The following SETD9 variants were observed in gnomAD, a reference collection of about 807,000 sequenced individuals.
The protein encoded by SETD9 is SET domain-containing protein 9.
A neutral mutation model predicts 36.4 loss-of-function variants in SETD9; 37 were observed. The ratio of observed to expected loss-of-function variants is 1.02; its 90% CI spans 0.78 to 1.34. SETD9 has a LOEUF of 1.34. Ranked by LOEUF, SETD9 falls within the 40% of genes most tolerant of loss-of-function variation. The pLI is 0.00. For missense variants in SETD9, 323 were observed against 353.2 expected, an observed-to-expected ratio of 0.91 and a Z score of 0.69; for synonymous variants, 128 against 132.9, an observed-to-expected ratio of 0.96 and a Z score of 0.26.
downstream of SETD9, among the ~76,000 whole-genome samples, chr5:56,927,384 T>C (rs1483025362): frequency 6.6e-6 from 1 of 152,162 alleles, no homozygotes; most frequent in Non-Finnish European, 1.5e-5. Flanking sequence ...AACTTTGCTG[T>C]AAACCTGAAA....
chr5:56,910,583 TACA>T, intron 1 of SETD9: 1 of 340,648 alleles, frequency 2.9e-6, no homozygotes, highest in Non-Finnish European at 5.7e-6. Context: ...AGGCGGGAAT[TACA>T]ACCTTTTTGT....
At chr5:56,910,711 AT>A (rs1332741611) in intron 1 of SETD9, 1 of 190,742 alleles carries the variant, frequency 5.2e-6, no homozygotes, top group Non-Finnish European at 1.1e-5. Flanking sequence ...ACGATGTTGA[AT>A]TTGTCTTTGA....
chr5:56,922,590 T>C (rs1231108646), intron 5 of SETD9: 1 of 154,408 alleles, frequency 6.5e-6, no homozygotes, highest in Non-Finnish European at 1.4e-5. Context: ...TTGTGCAGTT[T>C]AAAGAAACCT....
chr5:56,924,400 C>T (rs1026681005), intron 5 of SETD9, among the ~76,000 whole-genome samples: 3 of 152,150 alleles, frequency 2.0e-5, no homozygotes, highest in Non-Finnish European at 2.9e-5. Context: ...AGTGAGGGTT[C>T]TTAACTTTGG....
At chr5:56,909,833 G>T (rs957215949) in intron 1 of SETD9, 90 bp downstream of exon 1, 2 of 1,192,404 alleles carry the variant, frequency 1.7e-6, no homozygotes, top group African/African-American at 3.3e-5. Context: ...AGAGCCTGAG[G>T]CTGACTGCCG....
Position 56,913,062 on chromosome 5 carries a change from C to A in SETD9, c.518C>A (p.Pro173Gln). ...EPIFFQSIGN[P>Q]FIFRCLDGVL... ...ATCTTTTTCCAGTCCATTGGAAATC[C>A]GTTTATTTTTAGATGCCTGGATGGG... Residue 173 changes from proline to glutamine, a missense_variant, in exon 3 of 6, where the codon CCG (proline) becomes CAG (glutamine). Coordinates refer to ENST00000285947, the MANE Select transcript of SETD9 (RefSeq NM_153706.4). 6.2e-7 allele frequency: 1 copy of A among 1,613,702 alleles called. No individual in the cohort carries two copies. Among genetic ancestry groups the A allele is most frequent in the East Asian group, 2.2e-5 (1 of 44,838 alleles).
downstream of SETD9, chr5:56,921,016 C>T (rs1231760930): frequency 6.6e-6 from 1 of 152,506 alleles, no homozygotes; most frequent in Non-Finnish European, 1.5e-5. Flanking sequence ...GTCCATTCAA[C>T]TTGCTGATAA....
At chr5:56,914,051 C>A in intron 4 of SETD9, 62 bp downstream of exon 4, 2 of 1,246,744 alleles carry the variant, frequency 1.6e-6, no homozygotes, top group South Asian at 2.5e-5. Flanking sequence ...ACTCCTTTGT[C>A]ATATGACTGA....
chr5:56,916,832 T>C lies in SETD9; in HGVS notation c.830T>C (p.Val277Ala), dbSNP rs1749455585. ...YDKQSPLRCV[V>A]LVALRDINQG... ...GTTTTCAGCCCACTTCGATGTGTTG[T>C]TCTTGTCGCACTTAGGGACATCAAT... The change falls in exon 6 of 6, where the codon GTT (valine) becomes GCT (alanine). Residue 277 changes from valine to alanine, a missense_variant. Val to Ala is a moderately conservative substitution (Grantham distance 64). Transcript: ENST00000285947. 1.9e-6 allele frequency: 3 copies of C among 1,607,214 alleles called. No homozygotes were observed. Among genetic ancestry groups the C allele is most frequent in the Non-Finnish European group, 2.5e-6 (3 of 1,177,810 alleles).
chr5:56,924,918 G>C (rs1749887382), intron 5 of SETD9, among the ~76,000 whole-genome samples: 1 of 152,180 alleles, frequency 6.6e-6, no homozygotes, highest in Middle Eastern at 3.2e-3. Context: ...AAGAAATACA[G>C]TATACCTTTC....
downstream of SETD9, among the ~76,000 whole-genome samples, chr5:56,919,043 A>AAGAC (rs56723282): frequency 0.021 from 3,270 of 152,266 alleles, 123 homozygotes; most frequent in African/African-American, 0.075. Flanking sequence ...GTCTTCATAA[A>AAGAC]AGACAGTTAC....
chr5:56,921,385 C>A (rs1246910805), downstream of SETD9: 1 of 152,310 alleles, frequency 6.6e-6, no homozygotes, highest in African/African-American at 2.4e-5. Context: ...CCCAGGCTAC[C>A]CATTATTTAC....
intron 5 of SETD9, chr5:56,923,612 G>GT: frequency 1.2e-6 from 2 of 1,611,498 alleles, no homozygotes; most frequent in East Asian, 4.5e-5. Flanking sequence ...AATTGTTTAA[G>GT]TAAGTGGTCC....
rs538633174 is a variant in SETD9, at chr5:56,923,625, T to C, written c.813-1708T>C. 7.3e-5 allele frequency: 117 copies of C among 1,612,868 alleles called. 2 individuals carry two copies. In the South Asian group the frequency reaches 1.3e-3, roughly 17 times the overall value. On this transcript the variant is annotated intron_variant, in intron 5 of 5. Transcript: ENST00000628593. Reference sequence around the variant, plus strand: ...AAAATTGTTTAAGTAAGTGGTCCTATGACATCAAACAGAGGACACAATTTT... The same window carrying C: ...AAAATTGTTTAAGTAAGTGGTCCTACGACATCAAACAGAGGACACAATTTT...
chr5:56,925,926 G>GC (rs1450473825), downstream of SETD9, among the ~76,000 whole-genome samples: 1 of 151,946 alleles, frequency 6.6e-6, no homozygotes, highest in East Asian at 1.9e-4. Flanking sequence ...AGAAGAGAGA[G>GC]CCCAGAAATA....
intron 5 of SETD9, 116 bp from the exon 6 acceptor site, chr5:56,916,699 A>C (rs1749444743): frequency 9.9e-7 from 1 of 1,010,462 alleles, no homozygotes; most frequent in South Asian, 1.7e-5. Flanking sequence ...AAATGCATAA[A>C]CTAAAATGGA....
At chr5:56,923,588 A>G (rs1749796574) in intron 5 of SETD9, 2 of 1,611,700 alleles carry the variant, frequency 1.2e-6, no homozygotes, top group Admixed American at 1.7e-5. Context: ...GGTCAAAGCT[A>G]AAAAGGAATG....
downstream of SETD9, chr5:56,919,619 T>G (rs1217071030): frequency 1.3e-5 from 2 of 152,640 alleles, no homozygotes; most frequent in African/African-American, 4.8e-5. Context: ...TCCCAGATTT[T>G]TATTTCTGGA....
At chr5:56,922,982 T>C in intron 5 of SETD9, 1 of 650,794 alleles carries the variant, frequency 1.5e-6, no homozygotes, top group South Asian at 2.0e-5. Flanking sequence ...ATACTCTTGA[T>C]AAATCAAGAT....
Sources: gnomAD v4.1 joint callset for allele counts (sites outside exome capture counted in the v4.1 genomes callset) on GRCh38, gnomAD v4.1.1 for gene constraint, MANE v1.5 for transcripts, NCBI Gene and HGNC (gene_info 2026-07-23, HGNC 2026-07-21) for gene names.